The following KIT variants were observed in gnomAD, a reference collection of about 807,000 sequenced individuals.
KIT encodes KIT proto-oncogene, receptor tyrosine kinase.
A neutral mutation model predicts 105.7 loss-of-function variants in KIT; 16 were observed. That is an observed-to-expected ratio of 0.15 (90% CI 0.10 to 0.23). The LOEUF is 0.23. Among genes scored for constraint, KIT ranks in the 10% least tolerant of loss-of-function variants. The pLI, the probability that KIT is intolerant of heterozygous loss-of-function variation, is 1.00. For missense variants in KIT, 858 were observed against 1,213.8 expected, an observed-to-expected ratio of 0.71 and a Z score of 4.36; for synonymous variants, 438 against 441.1, an observed-to-expected ratio of 0.99 and a Z score of 0.09.
intron 4 of KIT, among the ~76,000 whole-genome samples, chr4:54,700,640 T>C (rs750270934): frequency 1.5e-4 from 23 of 152,226 alleles, no homozygotes; most frequent in Non-Finnish European, 2.6e-4. Context: ...GCAAGCATTA[T>C]ATTGGAAAAA....
At chr4:54,682,305 G>A (rs997917239) in intron 1 of KIT, among the ~76,000 whole-genome samples, 7 of 152,100 alleles carry the variant, frequency 4.6e-5, no homozygotes, top group African/African-American at 1.4e-4. Context: ...GCACAAGCTG[G>A]TCTTGAGCTC....
chr4:54,699,259 G>A (rs979843384), intron 3 of KIT, among the ~76,000 whole-genome samples: 20 of 152,136 alleles, frequency 1.3e-4, no homozygotes, highest in Admixed American at 9.2e-4. Context: ...TGAGAAAGAC[G>A]CCTGTTTGCT....
In KIT at chr4:54,733,145, C is replaced by T. The variant is rs2109801618; in HGVS notation, c.2437C>T (p.Leu813=). 1 of 1,612,790 alleles carries T rather than the reference C, an allele frequency of 6.2e-7. No homozygotes were observed. The highest frequency in any genetic ancestry group is 1.1e-5 in the South Asian group (1 of 91,056). ...GATCACAAAGATTTGTGATTTTGGT[C>T]TAGCCAGAGACATCAAGAATGATTC... ...GRITKICDFG[L]ARDIKNDSNY... is the part of the protein sequence containing the mutation. Residue 813 remains leucine, a synonymous_variant, in exon 17 of 21, where the codon CTA becomes TTA. Coordinates refer to ENST00000288135, the MANE Select transcript of KIT (RefSeq NM_000222.3).
Position 54,736,622 on chromosome 4 carries a change from T to G in KIT, c.2596+13T>G, listed in dbSNP as rs779248305. 52 of 1,607,830 alleles carry G rather than the reference T, an allele frequency of 3.2e-5. No individual in the cohort carries two copies. In the Admixed American group the frequency reaches 4.8e-4, roughly 15 times the overall value. On this transcript the variant is annotated intron_variant, in intron 18 of 20. Transcript: ENST00000288135. The stretch of plus-strand genomic sequence containing the variant: ...CTGTTCTCTTTAGGTAAAATGATCC[T>G]TGCCAAAGACAACTTCATTAGACTC...
chr4:54,724,721 A>G (rs998141100), intron 8 of KIT, among the ~76,000 whole-genome samples: 1 of 152,128 alleles, frequency 6.6e-6, no homozygotes, highest in East Asian at 1.9e-4. Flanking sequence ...TAGGCCACAC[A>G]TAAAATATAG....
chr4:54,728,559 G>A (rs908226582), intron 13 of KIT, among the ~76,000 whole-genome samples: 1 of 152,180 alleles, frequency 6.6e-6, no homozygotes, highest in Admixed American at 6.5e-5. Flanking sequence ...CTAAAAATAA[G>A]TTTCCAATTT....
intron 6 of KIT, 49 bp from the exon 7 acceptor site, chr4:54,709,375 C>G: frequency 8.6e-7 from 1 of 1,169,068 alleles, no homozygotes; most frequent in Non-Finnish European, 1.3e-6. Flanking sequence ...GACATGCCTT[C>G]CAAGGCATGC....
At chr4:54,674,103 T>C (rs2109579624) in intron 1 of KIT, among the ~76,000 whole-genome samples, 1 of 152,256 alleles carries the variant, frequency 6.6e-6, no homozygotes, top group Non-Finnish European at 1.5e-5. Context: ...GTAATAAAAA[T>C]ATGAACTCTA....
At chr4:54,731,538 T>G (rs1283626280) in intron 15 of KIT, 119 bp downstream of exon 15, 1 of 810,860 alleles carries the variant, frequency 1.2e-6, no homozygotes, top group Non-Finnish European at 2.1e-6. Context: ...TGCTTTATGG[T>G]AGCAGTGCCA....
chr4:54,722,861 A>ATATGTATATATATTTATATATATGTATT (rs1721973419), intron 7 of KIT, among the ~76,000 whole-genome samples: 1 of 113,098 alleles, frequency 8.8e-6, no homozygotes, highest in Non-Finnish European at 1.8e-5. Flanking sequence ...ATTTTTATAT[A>ATATGTATATATATTTATATATATGTATT]TATGTATATA....
At chr4:54,723,467 G>GCT (rs1470448984) in intron 7 of KIT, 117 bp from the exon 8 acceptor site, 1 of 726,264 alleles carries the variant, frequency 1.4e-6, no homozygotes, top group East Asian at 2.7e-5. Flanking sequence ...CTTTGAACTT[G>GCT]CTCCCTCAGG....
At chr4:54,680,407 A>ATTG (rs1718821286) in intron 1 of KIT, among the ~76,000 whole-genome samples, 1 of 95,624 alleles carries the variant, frequency 1.0e-5, no homozygotes, top group Non-Finnish European at 1.8e-5. Flanking sequence ...TTTTTTTTTA[A>ATTG]TGAGAAGGAG....
intron 1 of KIT, among the ~76,000 whole-genome samples, chr4:54,664,814 A>G (rs183193753): frequency 6.7e-6 from 1 of 149,440 alleles, no homozygotes; most frequent in East Asian, 2.0e-4. Flanking sequence ...TCTCGAACTT[A>G]TGAGCTCAAG....
chr4:54,671,555 TC>T, intron 1 of KIT, among the ~76,000 whole-genome samples: 1 of 152,202 alleles, frequency 6.6e-6, no homozygotes, highest in Non-Finnish European at 1.5e-5. Flanking sequence ...GTTTCACAAT[TC>T]CTTTTATTTA....
chr4:54,658,417 CGG>C (rs901310155), intron 1 of KIT, among the ~76,000 whole-genome samples: 2 of 151,908 alleles, frequency 1.3e-5, no homozygotes, highest in African/African-American at 4.8e-5. Flanking sequence ...GGGGCGGAGG[CGG>C]GGGGCTCAGG....
In KIT at chr4:54,727,471, A is replaced by T. The variant is rs749851557; in HGVS notation, c.1703A>T (p.Tyr568Phe). The T allele has an allele frequency of 6.2e-7, 1 of 1,613,988 alleles. No homozygotes were observed. Among genetic ancestry groups the T allele is most frequent in the Non-Finnish European group, 8.5e-7 (1 of 1,179,874 alleles). ...GTTGAGGAGATAAATGGAAACAATTATGTTTACATAGACCCAACACAACTT... is the reference window on the plus strand; with the variant it reads ...GTTGAGGAGATAAATGGAAACAATTTTGTTTACATAGACCCAACACAACTT... Reference protein sequence around the residue: ...KVVEEINGNNYVYIDPTQLPY... With the variant: ...KVVEEINGNNFVYIDPTQLPY... Residue 568 changes from tyrosine to phenylalanine, a missense_variant, in exon 11 of 21, where the codon TAT becomes TTT. By Grantham distance (22) the Tyr-to-Phe change is conservative (BLOSUM62 3). Transcript: ENST00000288135.
intron 1 of KIT, among the ~76,000 whole-genome samples, chr4:54,686,064 C>T (rs749120062): frequency 2.6e-5 from 4 of 152,192 alleles, no homozygotes; most frequent in Admixed American, 6.5e-5. Flanking sequence ...AATAAGGACA[C>T]GTTACACAAG....
chr4:54,683,895 G>A (rs1719120820), intron 1 of KIT, among the ~76,000 whole-genome samples: 2 of 152,212 alleles, frequency 1.3e-5, no homozygotes, highest in Non-Finnish European at 2.9e-5. Flanking sequence ...GGGCAATGTT[G>A]AGGAATCTGA....
At chr4:54,728,773 T>C (rs547870399) in intron 13 of KIT, among the ~76,000 whole-genome samples, 227 of 152,296 alleles carry the variant, frequency 1.5e-3, no homozygotes, top group African/African-American at 5.3e-3. Flanking sequence ...CTTACCCAAG[T>C]TAATTAGTTG....
Sources: gnomAD v4.1 joint callset for allele counts (sites outside exome capture counted in the v4.1 genomes callset) on GRCh38, gnomAD v4.1.1 for gene constraint, MANE v1.5 for transcripts, NCBI Gene and HGNC (gene_info 2026-07-23, HGNC 2026-07-21) for gene names.